Variants in SYNJ2BP observed in about 807,000 individuals in gnomAD.
SYNJ2BP encodes synaptojanin 2 binding protein.
Under a neutral mutation model 16.9 loss-of-function variants are expected in SYNJ2BP, and 10 were observed. That is an observed-to-expected ratio of 0.59 (90% confidence interval 0.36 to 1.00). The LOEUF (loss-of-function observed/expected upper bound fraction) is 1.00, where lower values mean the gene tolerates loss of function less well. SYNJ2BP is among the 50% of genes least tolerant of loss of function. SYNJ2BP has a pLI of 0.01. For missense variants in SYNJ2BP, 162 were observed against 186.7 expected, an observed-to-expected ratio of 0.87 and a Z score of 0.77; for synonymous variants, 54 against 68.4, an observed-to-expected ratio of 0.79 and a Z score of 1.04.
rs1484417799 is a variant in SYNJ2BP at position 70,417,044 on chromosome 14, CCACAGCACA to C, written c.-90_-82del. The C allele has an allele frequency of 4.4e-6, 7 of 1,606,698 alleles. No individual in the cohort carries two copies. The African/African-American group carries it at 8.0e-5, about 18-fold the overall frequency. On this transcript the variant is annotated 5_prime_UTR_variant, in exon 1 of 4. Coordinates refer to ENST00000256366, the MANE Select transcript of SYNJ2BP (RefSeq NM_018373.3). ...AGGTGAATCAATCTCGGCGCTGCGC[CCACAGCACA>C]GCGGTTTCGGTTTCAGCAGCCTCGA...
Position 70,417,056 on chromosome 14 carries a change from G to A in SYNJ2BP, c.-93C>T. The A allele has an allele frequency of 6.3e-7, 1 of 1,596,012 alleles. No homozygotes were observed. The highest frequency in any genetic ancestry group is 8.6e-7 in the Non-Finnish European group (1 of 1,169,162). ...CTCGGCGCTGCGCCCACAGCACAGC[G>A]GTTTCGGTTTCAGCAGCCTCGAGAC... On this transcript the variant is annotated 5_prime_UTR_variant, in exon 1 of 4. Coordinates refer to ENST00000256366, the MANE Select transcript of SYNJ2BP (RefSeq NM_018373.3).
At chr14:70,410,512 G>C (rs1432338897) in intron 1 of SYNJ2BP, among the ~76,000 whole-genome samples, 1 of 152,008 alleles carries the variant, frequency 6.6e-6, no homozygotes, top group Non-Finnish European at 1.5e-5. Flanking sequence ...ACTGACCACT[G>C]TGTGTCATGC....
chr14:70,402,207 T>C (rs1181355926), intron 1 of SYNJ2BP, among the ~76,000 whole-genome samples: 1 of 152,192 alleles, frequency 6.6e-6, no homozygotes, highest in Non-Finnish European at 1.5e-5. Context: ...AGAGATTACT[T>C]TGTACTGTGA....
At chr14:70,392,158 C>T (rs1887993103) in intron 1 of SYNJ2BP, among the ~76,000 whole-genome samples, 1 of 152,198 alleles carries the variant, frequency 6.6e-6, no homozygotes, top group Admixed American at 6.5e-5. Flanking sequence ...TGGAGTTTTT[C>T]CTTTTTCCTG....
intron 2 of SYNJ2BP, among the ~76,000 whole-genome samples, chr14:70,383,748 C>T (rs565146824): frequency 1.8e-3 from 278 of 152,152 alleles, no homozygotes; most frequent in African/African-American, 6.2e-3. Context: ...TAATAATAAA[C>T]CATTCTCGCC....
intron 1 of SYNJ2BP, among the ~76,000 whole-genome samples, chr14:70,394,964 G>C (rs1319878984): frequency 6.6e-6 from 1 of 152,102 alleles, no homozygotes; most frequent in East Asian, 1.9e-4. Context: ...TCCAAAGCAT[G>C]AATTTTTAAC....
intron 1 of SYNJ2BP, among the ~76,000 whole-genome samples, chr14:70,416,454 CA>C (rs921823694): frequency 2.6e-5 from 4 of 151,422 alleles, no homozygotes; most frequent in Admixed American, 6.6e-5. Context: ...TCCCAGAAAT[CA>C]AAGGAGCGAG....
intron 1 of SYNJ2BP, among the ~76,000 whole-genome samples, chr14:70,405,080 T>C (rs558587245): frequency 3.0e-4 from 46 of 152,252 alleles, no homozygotes; most frequent in African/African-American, 1.1e-3. Context: ...TAAGCTGTAA[T>C]CACACCACTG....
At chr14:70,396,312 T>TGC in intron 1 of SYNJ2BP, among the ~76,000 whole-genome samples, 1 of 152,106 alleles carries the variant, frequency 6.6e-6, no homozygotes, top group Non-Finnish European at 1.5e-5. Context: ...AGAGACAGGG[T>TGC]TTCACCATGT....
At chr14:70,398,678 G>C (rs539817064) in intron 1 of SYNJ2BP, among the ~76,000 whole-genome samples, 1 of 152,298 alleles carries the variant, frequency 6.6e-6, no homozygotes, top group South Asian at 2.1e-4. Context: ...GCCCCTGAGG[G>C]TGAAGAGTGC....
In SYNJ2BP at chr14:70,388,490, C is replaced by T; in HGVS notation, c.181G>A (p.Glu61Lys). ...GAAALDGRLQEGDKILSVNGQ... is the reference protein window; with the variant it reads ...GAAALDGRLQKGDKILSVNGQ... ...CTCACCGAAAGGATCTTATCACCCT[C>T]CTGGAGCCGCCCATCCAGGGCCGCA... is the stretch of plus-strand genomic sequence containing the variant. Residue 61 changes from glutamate to lysine, a missense_variant, in exon 2 of 4, where the codon GAG becomes AAG. Glu to Lys is a moderately conservative substitution (Grantham distance 56). Coordinates refer to ENST00000256366, the MANE Select transcript of SYNJ2BP (RefSeq NM_018373.3). 1 of 1,585,130 alleles carries T rather than the reference C, an allele frequency of 6.3e-7. No individual in the cohort carries two copies. The highest frequency in any genetic ancestry group is 8.6e-7 in the Non-Finnish European group (1 of 1,167,600).
intron 2 of SYNJ2BP, among the ~76,000 whole-genome samples, chr14:70,384,688 T>C (rs569452114): frequency 2.4e-3 from 361 of 152,110 alleles, no homozygotes; most frequent in African/African-American, 8.6e-3. Flanking sequence ...GGTTGTTTGA[T>C]AAGTGTCTGG....
Position 70,366,555 on chromosome 14 carries a change from CA to C in SYNJ2BP, c.*6435del, listed in dbSNP as rs2140789421. 6.6e-6 allele frequency: 1 copy of C among 152,268 alleles called. No individual in the cohort carries two copies. The highest frequency in any genetic ancestry group is 2.4e-5 in the African/African-American group (1 of 41,552). The allele number at this position is 152,268 out of a possible 1,614,324, so 9.4% of individuals were successfully genotyped here. On this transcript the variant is annotated 3_prime_UTR_variant, in exon 4 of 4. Coordinates refer to ENST00000256366, the MANE Select transcript of SYNJ2BP (RefSeq NM_018373.3). ...CCAATACTGGCTAGGCACAATTAGA[CA>C]CATTATTATCTCATTTGCTGTATCT...
intron 2 of SYNJ2BP, among the ~76,000 whole-genome samples, chr14:70,381,306 G>GTATTCTAATTTAAGAGACGT (rs1406679132): frequency 9.9e-5 from 15 of 152,260 alleles, no homozygotes; most frequent in African/African-American, 3.6e-4. Context: ...AAGGCTAAAG[G>GTATTCTAATTTAAGAGACGT]TATTCTAATT....
chr14:70,408,972 TACA>T (rs1401450370), intron 1 of SYNJ2BP, among the ~76,000 whole-genome samples: 2 of 152,140 alleles, frequency 1.3e-5, no homozygotes, highest in African/African-American at 4.8e-5. Context: ...TAGCTAGGAC[TACA>T]ACAACCTCGA....
In SYNJ2BP at chr14:70,371,606, A is replaced by T. The variant is rs1182201659; in HGVS notation, c.*1385T>A. 1 of 152,286 alleles carries T rather than the reference A, an allele frequency of 6.6e-6. No individual in the cohort carries two copies. Among genetic ancestry groups the T allele is most frequent in the East Asian group, 1.9e-4 (1 of 5,196 alleles). The allele number at this position is 152,286 out of a possible 1,614,324, so 9.4% of individuals were successfully genotyped here. The stretch of plus-strand genomic sequence containing the variant: ...GGTAATTTTTGTATTTTCAGTAGAC[A>T]TGGGGTTTCACCATGTTGGCCAGGC... On this transcript the variant is annotated 3_prime_UTR_variant, in exon 4 of 4. Transcript: ENST00000256366.
In SYNJ2BP at chr14:70,372,845, GGAGACT is replaced by G. The variant is rs1887545009; in HGVS notation, c.*140_*145del. On this transcript the variant is annotated 3_prime_UTR_variant, in exon 4 of 4. Transcript: ENST00000256366. ...CTTTCCCATTAGAATATGAAGAATT[GGAGACT>G]GTGAACAGCAAGGTTTGGGGTGGGT... 16 of 1,176,616 alleles carry G rather than the reference GGAGACT, an allele frequency of 1.4e-5. No individual in the cohort carries two copies. The highest frequency in any genetic ancestry group is 1.9e-5 in the Non-Finnish European group (16 of 840,572). The allele number at this position is 1,176,616 out of a possible 1,614,324, so 72.9% of individuals were successfully genotyped here.
intron 2 of SYNJ2BP, among the ~76,000 whole-genome samples, chr14:70,378,101 A>G (rs1485145756): frequency 6.6e-6 from 1 of 152,130 alleles, no homozygotes; most frequent in African/African-American, 2.4e-5. Context: ...AACACTTAGC[A>G]TTCTTTGTTC....
intron 1 of SYNJ2BP, among the ~76,000 whole-genome samples, chr14:70,401,037 T>C (rs1238060890): frequency 1.3e-5 from 2 of 152,210 alleles, no homozygotes; most frequent in Non-Finnish European, 2.9e-5. Flanking sequence ...GCATGACTTA[T>C]ATATAACACT....
Sources: gnomAD v4.1 joint callset for allele counts (sites outside exome capture counted in the v4.1 genomes callset) on GRCh38, gnomAD v4.1.1 for gene constraint, MANE v1.5 for transcripts, NCBI Gene and HGNC (gene_info 2026-07-23, HGNC 2026-07-21) for gene names.